CLUL1: variants seen among roughly 807,000 people sequenced by gnomAD.
CLUL1 encodes the protein clusterin-like protein 1.
CLUL1 carries 43 observed loss-of-function variants against 49.4 expected under a neutral mutation model. That is an observed-to-expected ratio of 0.87 (90% CI 0.68 to 1.12). CLUL1 has a LOEUF of 1.12. Among genes scored for constraint, CLUL1 ranks in the 50% most tolerant of loss-of-function variants. The pLI is 0.00. For missense variants in CLUL1, 486 were observed against 544.4 expected, an observed-to-expected ratio of 0.89 and a Z score of 1.07; for synonymous variants, 192 against 184.9, an observed-to-expected ratio of 1.04 and a Z score of -0.31.
chr18:630,470 A>G (rs890174728), intron 6 of CLUL1, among the ~76,000 whole-genome samples: 7 of 152,156 alleles, frequency 4.6e-5, no homozygotes, highest in Non-Finnish European at 8.8e-5. Context: ...ATGTAATCAC[A>G]GGGTCCTTAA....
chr18:604,871 G>A (rs182813041), intron 1 of CLUL1, among the ~76,000 whole-genome samples: 36 of 152,302 alleles, frequency 2.4e-4, no homozygotes, highest in Non-Finnish European at 4.3e-4. Flanking sequence ...TGATGGGGCC[G>A]AGTTCCCTGT....
chr18:641,003 G>T (rs1000651155), intron 7 of CLUL1, among the ~76,000 whole-genome samples: 1 of 152,146 alleles, frequency 6.6e-6, no homozygotes, highest in African/African-American at 2.4e-5. Context: ...GGGATGTGAT[G>T]TAGAAGGGGC....
chr18:612,504 C>A (rs1217370282), intron 2 of CLUL1, among the ~76,000 whole-genome samples: 2 of 152,216 alleles, frequency 1.3e-5, no homozygotes, highest in African/African-American at 4.8e-5. Context: ...TTGTTGCCAT[C>A]TTGAAACTCT....
chr18:610,300 A>G (rs184665565), intron 2 of CLUL1, among the ~76,000 whole-genome samples: 19 of 152,318 alleles, frequency 1.2e-4, no homozygotes, highest in African/African-American at 9.6e-5. Context: ...ATAGTCTTCC[A>G]TTCATGTGGG....
chr18:629,075 C>A (rs2073908679), intron 6 of CLUL1, among the ~76,000 whole-genome samples: 1 of 152,170 alleles, frequency 6.6e-6, no homozygotes, highest in Non-Finnish European at 1.5e-5. Flanking sequence ...AGAGGTTTAC[C>A]TTTCAGAAAC....
At chr18:648,873 G>T (rs1399142579) in intron 9 of CLUL1, among the ~76,000 whole-genome samples, 1 of 152,000 alleles carries the variant, frequency 6.6e-6, no homozygotes, top group Non-Finnish European at 1.5e-5. Flanking sequence ...GGCCGGGCTG[G>T]TCTCAAACTC....
intron 2 of CLUL1, among the ~76,000 whole-genome samples, chr18:612,342 C>G (rs573932512): frequency 3.6e-4 from 55 of 152,346 alleles, no homozygotes; most frequent in African/African-American, 1.3e-3. Context: ...TCACTGCACT[C>G]TGCCACACTT....
chr18:632,334 A>ATG (rs34398863), intron 6 of CLUL1, among the ~76,000 whole-genome samples: 152 of 151,070 alleles, frequency 1.0e-3, no homozygotes, highest in East Asian at 4.7e-3. Flanking sequence ...GTGTATATAT[A>ATG]TGTGTGTGTG....
intron 7 of CLUL1, among the ~76,000 whole-genome samples, chr18:638,380 T>A (rs1396521503): frequency 6.6e-6 from 1 of 152,134 alleles, no homozygotes; most frequent in Non-Finnish European, 1.5e-5. Context: ...AATCAGATAA[T>A]ACATTAAAAT....
At chr18:604,784 C>A (rs746137673) in intron 1 of CLUL1, among the ~76,000 whole-genome samples, 3 of 152,182 alleles carry the variant, frequency 2.0e-5, no homozygotes, top group Non-Finnish European at 4.4e-5. Context: ...GGAAAGCTCT[C>A]AGGAAAGAGT....
intron 2 of CLUL1, among the ~76,000 whole-genome samples, chr18:611,038 G>A (rs561920813): frequency 9.2e-5 from 14 of 152,090 alleles, no homozygotes; most frequent in Middle Eastern, 3.4e-3. Flanking sequence ...ATCACCTTCT[G>A]GCCGGTCCCA....
At chr18:597,811 T>C (rs1406446859) in intron 1 of CLUL1, 1 of 152,222 alleles carries the variant, frequency 6.6e-6, no homozygotes, top group East Asian at 1.9e-4. Context: ...CAGCCCAACT[T>C]GATAAAATCA....
chr18:606,615 C>T lies in CLUL1; in HGVS notation c.-135-363C>T, dbSNP rs1456843356. Among the ~76,000 whole-genome samples the T allele has an allele frequency of 6.6e-6, 1 of 152,176 alleles. No individual in the cohort carries two copies. The highest frequency in any genetic ancestry group is 6.5e-5 in the Admixed American group (1 of 15,288). ...TCCCAGTAATCAAGCCTGGCTTTCT[C>T]ACCCAGGGCTCGCCCCAGAACAACC... On this transcript the variant is annotated intron_variant, in intron 1 of 9. Transcript: ENST00000692774. This position sits in a 1 kb window ranked among gnomAD's most constrained non-coding sequence, Gnocchi z 4.1.
intron 1 of CLUL1, among the ~76,000 whole-genome samples, chr18:597,383 G>A (rs936982553): frequency 6.6e-5 from 10 of 152,204 alleles, no homozygotes; most frequent in Admixed American, 3.3e-4. Flanking sequence ...CAAAACAGGA[G>A]GAGGAGGTAG....
chr18:646,299 T>C (rs901244841), intron 9 of CLUL1, among the ~76,000 whole-genome samples: 1 of 152,118 alleles, frequency 6.6e-6, no homozygotes, highest in African/African-American at 2.4e-5. Flanking sequence ...GTGACAGGAT[T>C]TGTTGCCTCT....
chr18:627,363 A>G lies in CLUL1; in HGVS notation c.690A>G (p.Pro230=). Residue 230 remains proline (P), a synonymous_variant, in exon 6 of 10, where the codon CCA becomes CCG. Transcript: ENST00000692774. The part of the protein sequence containing the change: ...DTDLTEPYFF[P]AFSKEPMTKA... ...ACCTAACTGAGCCTTACTTTTTTCC[A>G]GCTTTCTCTAAAGAGCCGATGACAA... is the stretch of plus-strand genomic sequence containing the variant. The G allele has an allele frequency of 6.2e-7, 1 of 1,614,144 alleles. No homozygotes were observed. The highest frequency in any genetic ancestry group is 8.5e-7 in the Non-Finnish European group (1 of 1,180,024).
intron 1 of CLUL1, chr18:598,267 C>T (rs2143901528): frequency 6.2e-6 from 2 of 322,898 alleles, no homozygotes; most frequent in East Asian, 9.6e-5. Flanking sequence ...TAGAAGAGGA[C>T]ATGCTGGAAT....
intron 8 of CLUL1, among the ~76,000 whole-genome samples, chr18:641,960 CA>C: frequency 1.3e-5 from 2 of 152,260 alleles, no homozygotes; most frequent in Middle Eastern, 6.8e-3. Flanking sequence ...CTCAGTGTTC[CA>C]CCTGTAAAAT....
chr18:645,803 AAAAAAAAATATAT>A (rs2074467966), intron 9 of CLUL1, among the ~76,000 whole-genome samples: 1 of 50,870 alleles, frequency 2.0e-5, no homozygotes, highest in Non-Finnish European at 3.7e-5. Flanking sequence ...AAAAAAAAAA[AAAAAAAAATATAT>A]ATATATATAT....
Sources: gnomAD v4.1 joint callset for allele counts (sites outside exome capture counted in the v4.1 genomes callset) on GRCh38, gnomAD v4.1.1 for gene constraint, Gnocchi (gnomAD v3.1) non-coding constraint, MANE v1.5 for transcripts, NCBI Gene and HGNC (gene_info 2026-07-23, HGNC 2026-07-21) for gene names.